The following PAAF1 variants were observed in gnomAD, a reference collection of about 807,000 sequenced individuals.
The protein encoded by PAAF1 is proteasomal ATPase-associated factor 1.
Under a neutral mutation model 52.8 loss-of-function variants are expected in PAAF1, and 46 were observed. The ratio of observed to expected loss-of-function variants is 0.87; its 90% CI spans 0.69 to 1.11. PAAF1 has a LOEUF of 1.11. PAAF1 is among the 50% of genes most tolerant of loss of function. The pLI is 0.00. For synonymous variants in PAAF1, 178 were observed against 172.8 expected (o/e 1.03, Z -0.24); for missense variants, 424 against 477.4 (o/e 0.89, Z 1.04).
At chr11:73,899,728 G>C (rs1949544030) in intron 5 of PAAF1, among the ~76,000 whole-genome samples, 1 of 152,052 alleles carries the variant, frequency 6.6e-6, no homozygotes. Flanking sequence ...CTGTCAATTC[G>C]AGAACCTTTC....
chr11:73,908,536 C>T (rs1949840481), intron 6 of PAAF1, among the ~76,000 whole-genome samples: 3 of 151,572 alleles, frequency 2.0e-5, no homozygotes, highest in African/African-American at 7.2e-5. Flanking sequence ...TCCTGAGTAG[C>T]TGGGATTACA....
chr11:73,922,088 C>T, intron 10 of PAAF1: 1 of 911,242 alleles, frequency 1.1e-6, no homozygotes, highest in Non-Finnish European at 1.8e-6. Context: ...TATCTTTTGT[C>T]TCTCTGGGGG....
At chr11:73,919,292 T>C (rs17132495) in intron 10 of PAAF1, among the ~76,000 whole-genome samples, 36,321 of 152,124 alleles carry the variant, frequency 0.24, 5,061 homozygotes, top group African/African-American at 0.39. Flanking sequence ...CTCTTCTGCC[T>C]TAAAGGAGCT....
At chr11:73,901,798 G>A (rs1949620175) in intron 6 of PAAF1, among the ~76,000 whole-genome samples, 1 of 151,412 alleles carries the variant, frequency 6.6e-6, no homozygotes, top group Admixed American at 6.6e-5. Flanking sequence ...TCAAACTCTT[G>A]ACCTCAGGGT....
chr11:73,918,352 A>ATTTTTTTTTTTTTTTTT (rs1157984685), intron 9 of PAAF1, among the ~76,000 whole-genome samples: 5 of 71,736 alleles, frequency 7.0e-5, no homozygotes, highest in Admixed American at 1.7e-4. Context: ...CAGTTACTTA[A>ATTTTTTTTTTTTTTTTT]TTTTTTTTTT....
In PAAF1 at chr11:73,930,925, T is replaced by C. The variant is rs1371654431; in HGVS notation, c.*3563T>C. 6.6e-6 allele frequency: 1 copy of C among 151,860 alleles called. No individual in the cohort carries two copies. Among genetic ancestry groups the C allele is most frequent in the Non-Finnish European group, 1.5e-5 (1 of 67,960 alleles). 9.4% of individuals were successfully genotyped at this position (151,860 alleles called of 1,614,324 possible). ...TTTTGAGATCTATTGCATAGCATGGTAGATTGCTAAGAGTAAATTTCAAAT... is the reference window on the plus strand; with the variant it reads ...TTTTGAGATCTATTGCATAGCATGGCAGATTGCTAAGAGTAAATTTCAAAT... On this transcript the variant is annotated 3_prime_UTR_variant, in exon 12 of 12. Transcript: ENST00000310571.
chr11:73,921,649 G>T, intron 10 of PAAF1: 1 of 700,780 alleles, frequency 1.4e-6, no homozygotes, highest in Non-Finnish European at 2.7e-6. Flanking sequence ...GGCTGCCCGT[G>T]CTCCTTTCAC....
At position 73,927,393 on chromosome 11, in the gene PAAF1, A is replaced by G; in HGVS notation, c.*31A>G. Reference sequence around the variant, plus strand: ...TGGAAAGAGCAGTCCCGGTTAGTGAAAAGGTTTGACCCTGATCAACAATGA... The same window carrying G: ...TGGAAAGAGCAGTCCCGGTTAGTGAGAAGGTTTGACCCTGATCAACAATGA... On this transcript the variant is annotated 3_prime_UTR_variant, in exon 12 of 12. Coordinates refer to ENST00000310571, the MANE Select transcript of PAAF1 (RefSeq NM_025155.3). 1 of 1,577,540 alleles carries G rather than the reference A, an allele frequency of 6.3e-7. No homozygotes were observed. The highest frequency in any genetic ancestry group is 8.7e-7 in the Non-Finnish European group (1 of 1,147,796).
In PAAF1 at chr11:73,899,666, C is replaced by A. The variant is rs185855522; in HGVS notation, c.381+422C>A. On this transcript the variant is annotated intron_variant, in intron 5 of 11. Coordinates refer to ENST00000310571, the MANE Select transcript of PAAF1 (RefSeq NM_025155.3). ...ACGTCAAGTGATCTGCCCACCTTGGCCTCCCAAAGTGCTGGGATTACAGGT... is the reference window on the plus strand; with the variant it reads ...ACGTCAAGTGATCTGCCCACCTTGGACTCCCAAAGTGCTGGGATTACAGGT... 9.8e-3 allele frequency among the ~76,000 whole-genome samples: 1,497 copies of A among 152,260 alleles called. 22 individuals carry two copies. Among genetic ancestry groups the A allele is most frequent in the Middle Eastern group, 0.037 (11 of 294 alleles).
chr11:73,926,573 G>A (rs1432515718), intron 11 of PAAF1, among the ~76,000 whole-genome samples: 2 of 152,142 alleles, frequency 1.3e-5, no homozygotes, highest in African/African-American at 4.8e-5. Context: ...GCCAGGCGTG[G>A]TGGTGGGTGT....
At chr11:73,921,907 AT>A in intron 10 of PAAF1, 1 of 1,113,132 alleles carries the variant, frequency 9.0e-7, no homozygotes, top group Non-Finnish European at 1.3e-6. Flanking sequence ...CAGTGTATAC[AT>A]TTCTTTCTCA....
In PAAF1 at chr11:73,930,056, CAAA is replaced by C. The variant is rs1251882286; in HGVS notation, c.*2707_*2709del. The C allele has an allele frequency of 1.0e-4, 10 of 97,030 alleles. No individual in the cohort carries two copies. The highest frequency in any genetic ancestry group is 1.1e-4 in the Admixed American group (1 of 8,840). 6.0% of individuals were successfully genotyped at this position (97,030 alleles called of 1,614,324 possible). On this transcript the variant is annotated 3_prime_UTR_variant, in exon 12 of 12. Transcript: ENST00000310571. Reference sequence around the variant, plus strand: ...GGGCAACAAGAGTGAAACTCCGTCTCAAAAAAAAAAAAAAAGAAAACAGGATGA... The same window carrying C: ...GGGCAACAAGAGTGAAACTCCGTCTCAAAAAAAAAAAAGAAAACAGGATGA...
At chr11:73,882,691 C>T (rs913341108) in intron 2 of PAAF1, among the ~76,000 whole-genome samples, 2 of 152,266 alleles carry the variant, frequency 1.3e-5, no homozygotes, top group African/African-American at 4.8e-5. Flanking sequence ...CAAGCTCCGC[C>T]TTCCAGGTTC....
In PAAF1 at chr11:73,901,711, C is replaced by T. The variant is rs193038057; in HGVS notation, c.532+1291C>T. ...TCTGCTTCCCAAGTAGCTGGGACTA[C>T]GGGTACACGCCCCACACCTGGCTAA... On this transcript the variant is annotated intron_variant, in intron 6 of 11. Coordinates refer to ENST00000310571, the MANE Select transcript of PAAF1 (RefSeq NM_025155.3). Among the ~76,000 whole-genome samples the T allele has an allele frequency of 3.7e-3, 555 of 151,922 alleles. 2 individuals are homozygous for T. The highest frequency in any genetic ancestry group is 5.5e-3 in the Non-Finnish European group (372 of 67,966).
At chr11:73,895,451 C>T (rs1439174579) in intron 4 of PAAF1, among the ~76,000 whole-genome samples, 1 of 152,184 alleles carries the variant, frequency 6.6e-6, no homozygotes, top group African/African-American at 2.4e-5. Context: ...GGATCCACTA[C>T]TAAGTTAGCA....
intron 9 of PAAF1, 36 bp downstream of exon 9, chr11:73,916,696 T>C: frequency 6.8e-7 from 1 of 1,481,348 alleles, no homozygotes; most frequent in South Asian, 1.2e-5. Context: ...GCAGGTCTTC[T>C]GCAGAGTGGA....
In PAAF1 at chr11:73,908,325, A is replaced by ATG. The variant is rs1408473978; in HGVS notation, c.533-1072_533-1071dup. ...TATATATGTATATATATGTGTATATATGTATATATATGTGTATATATGTGT... is the reference window on the plus strand; with the variant it reads ...TATATATGTATATATATGTGTATATATGTGTATATATATGTGTATATATGTGT... On this transcript the variant is annotated intron_variant, in intron 6 of 11. Coordinates refer to ENST00000310571, the MANE Select transcript of PAAF1 (RefSeq NM_025155.3). 1.0e-3 allele frequency among the ~76,000 whole-genome samples: 146 copies of ATG among 144,178 alleles called. 1 individual carries two copies. Among genetic ancestry groups the ATG allele is most frequent in the East Asian group, 7.9e-4 (4 of 5,070 alleles). The allele number at this position is 144,178 out of a possible 152,430, so 94.6% of individuals were successfully genotyped here.
At chr11:73,914,590 T>C (rs528658196) in intron 8 of PAAF1, 86 bp downstream of exon 8, 1 of 1,081,218 alleles carries the variant, frequency 9.2e-7, no homozygotes, top group South Asian at 1.4e-5. Flanking sequence ...ACATTTCTAC[T>C]TGCTCCCTGT....
At chr11:73,896,109 TA>T (rs554263747) in intron 4 of PAAF1, among the ~76,000 whole-genome samples, 2 of 151,778 alleles carry the variant, frequency 1.3e-5, no homozygotes, top group Non-Finnish European at 2.9e-5. Flanking sequence ...ACCCTGTCTT[TA>T]AAAAAAACAC....
Sources: gnomAD v4.1 joint callset for allele counts (sites outside exome capture counted in the v4.1 genomes callset) on GRCh38, gnomAD v4.1.1 for gene constraint, MANE v1.5 for transcripts, NCBI Gene and HGNC (gene_info 2026-07-23, HGNC 2026-07-21) for gene names.